The following LRRC4C variants were observed in gnomAD, a reference collection of about 807,000 sequenced individuals.
The protein encoded by LRRC4C is leucine rich repeat containing 4C.
LRRC4C carries 5 observed loss-of-function variants against 33.6 expected under a neutral mutation model. The observed-to-expected ratio is 0.15, with a 90% CI of 0.08 to 0.31. The LOEUF is 0.31. Ranked by LOEUF, LRRC4C falls within the 10% of genes least tolerant of loss-of-function variation. The probability of loss-of-function intolerance (pLI) is 1.00; values close to 1 mark genes in which losing one functional copy is unlikely to be tolerated. For synonymous variants in LRRC4C, 329 were observed against 302.0 expected, an observed-to-expected ratio of 1.09 and a Z score of -0.93; for missense variants, 560 against 796.7, an observed-to-expected ratio of 0.70 and a Z score of 3.58.
intron 1 of LRRC4C, among the ~76,000 whole-genome samples, chr11:41,357,706 A>G (rs1952210745): frequency 6.6e-6 from 1 of 152,132 alleles, no homozygotes; most frequent in Non-Finnish European, 1.5e-5. Flanking sequence ...TCTAATGCAT[A>G]CTAGAAAGCC....
At chr11:41,313,469 C>T (rs1947299600) in intron 1 of LRRC4C, among the ~76,000 whole-genome samples, 1 of 152,096 alleles carries the variant, frequency 6.6e-6, no homozygotes, top group African/African-American at 2.4e-5. Flanking sequence ...ATTCCAAGTA[C>T]ACTGGAGGAT....
chr11:41,204,954 T>C (rs1163980168), intron 1 of LRRC4C, among the ~76,000 whole-genome samples: 1 of 152,110 alleles, frequency 6.6e-6, no homozygotes, highest in African/African-American at 2.4e-5. Flanking sequence ...GATGAGATAG[T>C]AAGAAGTGGT....
intron 1 of LRRC4C, among the ~76,000 whole-genome samples, chr11:41,342,227 A>G (rs1307512296): frequency 1.3e-5 from 2 of 152,190 alleles, no homozygotes; most frequent in Non-Finnish European, 2.9e-5. Context: ...GTTTTCCTAG[A>G]CTATCTTAGT....
At chr11:40,728,115 C>A (rs1947376571) in intron 2 of LRRC4C, among the ~76,000 whole-genome samples, 1 of 151,948 alleles carries the variant, frequency 6.6e-6, no homozygotes, top group African/African-American at 2.4e-5. Flanking sequence ...TCTCAACAGT[C>A]AGCATGGCTA....
intron 3 of LRRC4C, among the ~76,000 whole-genome samples, chr11:40,531,055 A>G (rs1210091055): frequency 6.6e-6 from 1 of 152,142 alleles, no homozygotes; most frequent in Non-Finnish European, 1.5e-5. Flanking sequence ...GTAAATCATC[A>G]GTAAATGTCA....
At chr11:40,892,091 C>T (rs1313787011) in intron 2 of LRRC4C, among the ~76,000 whole-genome samples, 2 of 145,990 alleles carry the variant, frequency 1.4e-5, no homozygotes, top group African/African-American at 2.5e-5. Context: ...GTGGCGATGG[C>T]GCCACTGCAC....
chr11:40,747,772 A>T (rs564135974), intron 2 of LRRC4C, among the ~76,000 whole-genome samples: 1 of 152,274 alleles, frequency 6.6e-6, no homozygotes, highest in Admixed American at 6.5e-5. Flanking sequence ...TGAAAAACAA[A>T]ATACATGACA....
chr11:40,533,942 T>A (rs1956371018), intron 3 of LRRC4C, among the ~76,000 whole-genome samples: 1 of 152,140 alleles, frequency 6.6e-6, no homozygotes, highest in Admixed American at 6.6e-5. Context: ...ATCAAGTAAG[T>A]GTGTGCATAT....
At chr11:40,628,849 T>C (rs572544990) in intron 3 of LRRC4C, among the ~76,000 whole-genome samples, 2 of 152,344 alleles carry the variant, frequency 1.3e-5, no homozygotes, top group East Asian at 3.9e-4. Context: ...TCTAGTCTGA[T>C]AGAATTGGAG....
intron 3 of LRRC4C, among the ~76,000 whole-genome samples, chr11:40,515,172 A>C (rs2135174248): frequency 6.6e-6 from 1 of 152,266 alleles, no homozygotes; most frequent in African/African-American, 2.4e-5. Context: ...ACTGTCTTGT[A>C]AAATTTAATT....
chr11:40,679,439 G>A (rs1313527727), intron 2 of LRRC4C, among the ~76,000 whole-genome samples: 3 of 152,142 alleles, frequency 2.0e-5, no homozygotes, highest in Admixed American at 6.5e-5. Context: ...TGTCTCCAGG[G>A]CATGTCAGAG....
intron 1 of LRRC4C, among the ~76,000 whole-genome samples, chr11:41,331,811 A>G (rs1259641529): frequency 6.6e-6 from 1 of 152,080 alleles, no homozygotes; most frequent in East Asian, 1.9e-4. Context: ...TCTACAACAC[A>G]AAAAAGAAGG....
At chr11:40,654,902 G>A (rs1943018650) in intron 2 of LRRC4C, among the ~76,000 whole-genome samples, 1 of 152,148 alleles carries the variant, frequency 6.6e-6, no homozygotes, top group Non-Finnish European at 1.5e-5. Flanking sequence ...TTGAGGGTGA[G>A]TGAGTTCTCA....
chr11:41,184,924 G>A (rs1945623708), intron 1 of LRRC4C, among the ~76,000 whole-genome samples: 1 of 152,112 alleles, frequency 6.6e-6, no homozygotes. Flanking sequence ...TACGTGGATG[G>A]TGGCAGGCAA....
chr11:40,801,000 T>C (rs924697013), intron 2 of LRRC4C, among the ~76,000 whole-genome samples: 6 of 152,108 alleles, frequency 3.9e-5, no homozygotes, highest in African/African-American at 1.2e-4. Context: ...TTCCTTCAAC[T>C]TAGAGGGCTT....
At chr11:40,875,035 AATAAAG>A (rs1289981769) in intron 2 of LRRC4C, among the ~76,000 whole-genome samples, 1 of 152,180 alleles carries the variant, frequency 6.6e-6, no homozygotes, top group Non-Finnish European at 1.5e-5. Flanking sequence ...CCTAGTAAAT[AATAAAG>A]ATATACTTGT....
intron 1 of LRRC4C, among the ~76,000 whole-genome samples, chr11:41,235,189 T>C (rs1488874083): frequency 6.6e-6 from 1 of 152,048 alleles, no homozygotes; most frequent in Non-Finnish European, 1.5e-5. Flanking sequence ...ACTCATAAAA[T>C]GGATACAAAT....
chr11:40,853,253 T>C (rs1017328393), intron 2 of LRRC4C, among the ~76,000 whole-genome samples: 1 of 152,030 alleles, frequency 6.6e-6, no homozygotes, highest in Non-Finnish European at 1.5e-5. Flanking sequence ...TTTACTATAC[T>C]ATGCTTTGTA....
chr11:40,820,913 T>G (rs1253214402), intron 2 of LRRC4C, among the ~76,000 whole-genome samples: 4 of 151,560 alleles, frequency 2.6e-5, no homozygotes, highest in Non-Finnish European at 4.4e-5. Flanking sequence ...TCCCAAGAAA[T>G]TCACACAAAA....
Sources: gnomAD v4.1 joint callset for allele counts (sites outside exome capture counted in the v4.1 genomes callset) on GRCh38, gnomAD v4.1.1 for gene constraint, MANE v1.5 for transcripts, NCBI Gene and HGNC (gene_info 2026-07-23, HGNC 2026-07-21) for gene names.